Variants in ZDHHC21 observed in about 807,000 individuals in gnomAD.
The protein encoded by ZDHHC21 is palmitoyltransferase ZDHHC21.
ZDHHC21 carries 15 observed loss-of-function variants against 34.6 expected under a neutral mutation model. The observed-to-expected ratio is 0.43, with a 90% CI of 0.29 to 0.67. ZDHHC21 has a LOEUF of 0.67. Among genes scored for constraint, ZDHHC21 ranks in the 30% least tolerant of loss-of-function variants. The pLI, the probability that ZDHHC21 is intolerant of heterozygous loss-of-function variation, is 0.14. For synonymous variants in ZDHHC21, 142 were observed against 101.8 expected (o/e 1.40, Z -2.38); for missense variants, 344 against 327.7 (o/e 1.05, Z -0.38).
In ZDHHC21 at chr9:14,619,693, T is replaced by C; in HGVS notation, c.622-11A>G. The stretch of plus-strand genomic sequence containing the variant: ...AATAGATGTTGTATCCTATTAAAAA[T>C]AAAAAATTATATTCAGATGTAAGAA... On this transcript the variant is annotated splice_polypyrimidine_tract_variant and intron_variant, in intron 8 of 9. Coordinates refer to ENST00000380916, the MANE Select transcript of ZDHHC21 (RefSeq NM_178566.6). 1.5e-6 allele frequency: 2 copies of C among 1,312,074 alleles called. No homozygotes were observed. Among genetic ancestry groups the C allele is most frequent in the Middle Eastern group, 2.6e-4 (1 of 3,836 alleles). 81.3% of individuals were successfully genotyped at this position (1,312,074 alleles called of 1,614,324 possible).
intron 7 of ZDHHC21, among the ~76,000 whole-genome samples, chr9:14,640,530 G>C (rs999516328): frequency 1.3e-5 from 2 of 152,062 alleles, no homozygotes; most frequent in Non-Finnish European, 2.9e-5. Context: ...AGGATCATAA[G>C]TACAGCTCTC....
intron 7 of ZDHHC21, among the ~76,000 whole-genome samples, chr9:14,656,333 T>G (rs1038551400): frequency 6.6e-6 from 1 of 151,960 alleles, no homozygotes; most frequent in African/African-American, 2.4e-5. Flanking sequence ...TAATAAACAT[T>G]CAATTTTATG....
chr9:14,628,540 G>C (rs1257829265), intron 8 of ZDHHC21, among the ~76,000 whole-genome samples: 1 of 151,518 alleles, frequency 6.6e-6, no homozygotes, highest in African/African-American at 2.4e-5. Flanking sequence ...ATCCGTATCA[G>C]TAGTTTCCCA....
intron 7 of ZDHHC21, among the ~76,000 whole-genome samples, chr9:14,654,971 A>C (rs773139455): frequency 4.6e-5 from 7 of 152,022 alleles, no homozygotes; most frequent in Admixed American, 6.6e-5. Context: ...AAATTTCCAC[A>C]ACTTAAGAAT....
chr9:14,678,583 A>G (rs1315411841), intron 3 of ZDHHC21, among the ~76,000 whole-genome samples: 3 of 152,112 alleles, frequency 2.0e-5, no homozygotes, highest in Non-Finnish European at 4.4e-5. Context: ...TGGGCATGTA[A>G]GCTGATACAA....
chr9:14,662,185 T>A, intron 6 of ZDHHC21, 30 bp downstream of exon 6: 7 of 1,495,164 alleles, frequency 4.7e-6, no homozygotes, highest in African/African-American at 1.4e-5. Context: ...CCCACCCCTC[T>A]TTTCTTTGCT....
chr9:14,650,311 A>G (rs2133825839), intron 7 of ZDHHC21, among the ~76,000 whole-genome samples: 1 of 152,122 alleles, frequency 6.6e-6, no homozygotes, highest in Middle Eastern at 3.4e-3. Context: ...CATCTCAGGA[A>G]ACAGGAACAA....
chr9:14,625,699 A>G (rs556036265), intron 8 of ZDHHC21, among the ~76,000 whole-genome samples: 2 of 151,906 alleles, frequency 1.3e-5, no homozygotes, highest in South Asian at 2.1e-4. Flanking sequence ...CTCAAAATGT[A>G]ACTTTTCAAC....
chr9:14,627,913 G>C (rs4492471), intron 8 of ZDHHC21, among the ~76,000 whole-genome samples: 101,420 of 151,854 alleles, frequency 0.67, 34,657 homozygotes, highest in African/African-American at 0.82. Context: ...CTATCCATTT[G>C]ATTCAGAAAC....
chr9:14,656,536 G>A (rs1832246167), intron 7 of ZDHHC21, among the ~76,000 whole-genome samples: 1 of 151,736 alleles, frequency 6.6e-6, no homozygotes, highest in South Asian at 2.1e-4. Flanking sequence ...AAGCAAAATG[G>A]TCCTGGAAAT....
intron 6 of ZDHHC21, among the ~76,000 whole-genome samples, chr9:14,660,117 G>A (rs970012535): frequency 5.3e-5 from 8 of 152,050 alleles, no homozygotes; most frequent in African/African-American, 1.7e-4. Flanking sequence ...TGTAATCCCA[G>A]AACTTTGGGA....
chr9:14,599,580 C>T, the ZDHHC21 span, among the ~76,000 whole-genome samples: 5 of 151,110 alleles, frequency 3.3e-5, no homozygotes, highest in East Asian at 3.9e-4. Flanking sequence ...ACCCCAGTGG[C>T]GCCTGGAATG....
At chr9:14,635,978 T>A (rs1260300193) in intron 8 of ZDHHC21, among the ~76,000 whole-genome samples, 4 of 151,738 alleles carry the variant, frequency 2.6e-5, no homozygotes, top group Admixed American at 2.0e-4. Context: ...TGATAAACAA[T>A]AAAAGAAAAA....
chr9:14,665,241 G>T (rs1230793152), intron 5 of ZDHHC21, among the ~76,000 whole-genome samples: 3 of 120,840 alleles, frequency 2.5e-5, no homozygotes, highest in East Asian at 4.5e-4. Flanking sequence ...TGGAAGAAAG[G>T]GTATCAGCAA....
chr9:14,625,309 C>T (rs905557436), intron 8 of ZDHHC21, among the ~76,000 whole-genome samples: 1 of 152,002 alleles, frequency 6.6e-6, no homozygotes, highest in Non-Finnish European at 1.5e-5. Context: ...TCTTTAAGCA[C>T]CCATTTCCAA....
Position 14,672,847 on chromosome 9 carries a change from G to T in ZDHHC21, c.236C>A (p.Pro79His). The change falls in exon 5 of 10, where the codon CCC becomes CAC. Residue 79 changes from proline to histidine, a missense_variant. Physicochemically the swap from Pro to His is moderately conservative, Grantham distance 77. Transcript: ENST00000380916. ...ITDPGRLPENPKIPHGEREFW... is the reference protein window; with the variant it reads ...ITDPGRLPENHKIPHGEREFW... ...TACCATACCTCCATGTGGGATCTTG[G>T]GGTTCTCAGGGAGTCTTCCTGGATC... 6.2e-7 allele frequency: 1 copy of T among 1,607,372 alleles called. No homozygotes were observed. Among genetic ancestry groups the T allele is most frequent in the Non-Finnish European group, 8.5e-7 (1 of 1,175,664 alleles).
chr9:14,654,197 G>A (rs1202188319), intron 7 of ZDHHC21, among the ~76,000 whole-genome samples: 1 of 151,872 alleles, frequency 6.6e-6, no homozygotes, highest in Non-Finnish European at 1.5e-5. Flanking sequence ...CTAGACTATT[G>A]GAATAAAGGC....
At chr9:14,627,985 C>T (rs1266723570) in intron 8 of ZDHHC21, among the ~76,000 whole-genome samples, 1 of 152,094 alleles carries the variant, frequency 6.6e-6, no homozygotes, top group Non-Finnish European at 1.5e-5. Flanking sequence ...TTTGACTAAC[C>T]TGTTTCCCTT....
At chr9:14,638,834 T>C (rs1175580384) in intron 8 of ZDHHC21, among the ~76,000 whole-genome samples, 1 of 151,934 alleles carries the variant, frequency 6.6e-6, no homozygotes, top group East Asian at 1.9e-4. Context: ...GAACGGCTTT[T>C]ATTAAAAGGA....
Sources: gnomAD v4.1 joint callset for allele counts (sites outside exome capture counted in the v4.1 genomes callset) on GRCh38, gnomAD v4.1.1 for gene constraint, MANE v1.5 for transcripts, NCBI Gene and HGNC (gene_info 2026-07-23, HGNC 2026-07-21) for gene names.